The following BRAT1 variants were observed in gnomAD, a reference collection of about 807,000 sequenced individuals.
BRAT1 encodes the protein BRCA1 associated ATM activator 1, also known as integrator complex assembly factor BRAT1.
A neutral mutation model predicts 70.6 loss-of-function variants in BRAT1; 74 were observed. The observed-to-expected ratio is 1.05, with a 90% CI of 0.87 to 1.27. BRAT1 has a LOEUF of 1.27. Among genes scored for constraint, BRAT1 ranks in the 50% most tolerant of loss-of-function variants. The pLI is 0.00. For synonymous variants in BRAT1, 615 were observed against 517.1 expected (o/e 1.19, Z -2.57); for missense variants, 1,203 against 1,098.2 (o/e 1.10, Z -1.35).
intron 4 of BRAT1, 143 bp downstream of exon 4, chr7:2,544,766 G>A: frequency 7.6e-7 from 1 of 1,307,546 alleles, no homozygotes; most frequent in Non-Finnish European, 1.0e-6. Flanking sequence ...GAGAACACTG[G>A]ACAGCCGTAC....
rs755593134 is a variant in BRAT1, at chr7:2,541,843, G to A, written c.1016-7C>T. 6 of 1,611,940 alleles carry A rather than the reference G, an allele frequency of 3.7e-6. No individual in the cohort carries two copies. Among genetic ancestry groups the A allele is most frequent in the Non-Finnish European group, 5.1e-6 (6 of 1,179,398 alleles). On this transcript the variant is annotated splice_region_variant and splice_polypyrimidine_tract_variant and intron_variant, in intron 7 of 13. Transcript: ENST00000340611. ...GCCGTCCCGTCCAGCAAGCCTGGGG[G>A]CCAAGCCAGGAAGAGCTCCCTTAGA...
In BRAT1 at chr7:2,543,511, C is replaced by T. The variant is rs372261688; in HGVS notation, c.803+79G>A. The T allele has an allele frequency of 2.8e-5, 42 of 1,487,462 alleles. No homozygotes were observed. In the East Asian group the frequency reaches 9.4e-4, roughly 33 times the overall value. 92.1% of individuals were successfully genotyped at this position (1,487,462 alleles called of 1,614,324 possible). A position where few individuals can be genotyped will look rare whatever the true frequency, so the allele number is the denominator to read the frequency against. On this transcript the variant is annotated intron_variant, in intron 5 of 13. Transcript: ENST00000340611. The surrounding 1 kb of genome is among the most constrained non-coding windows in gnomAD (Gnocchi z 5.5). ...CATGTCCTCAGAGAGTCTCCGGCTG[C>T]CAGTGGGACATCCCTGGGCGTTATC...
intron 2 of BRAT1, among the ~76,000 whole-genome samples, chr7:2,553,893 C>G (rs986462201): frequency 5.3e-5 from 8 of 151,742 alleles, no homozygotes; most frequent in Non-Finnish European, 1.2e-4. Context: ...GCAATCCGCT[C>G]GCCTCAGCCT....
intron 2 of BRAT1, among the ~76,000 whole-genome samples, chr7:2,550,305 A>G (rs1779905798): frequency 6.6e-6 from 1 of 151,840 alleles, no homozygotes; most frequent in African/African-American, 2.4e-5. Context: ...CGTCACTACA[A>G]AAAATACAAA....
At chr7:2,542,022 T>C in intron 7 of BRAT1, 98 bp downstream of exon 7, 1 of 1,271,284 alleles carries the variant, frequency 7.9e-7, no homozygotes, top group Non-Finnish European at 1.1e-6. Flanking sequence ...GTGATTAAAG[T>C]GGGGCGGGGG....
chr7:2,552,091 TATATATATATATATA>T (rs1468523304), intron 2 of BRAT1, among the ~76,000 whole-genome samples: 51 of 17,630 alleles, frequency 2.9e-3, no homozygotes, highest in South Asian at 6.5e-3. Context: ...AATATATATA[TATATATATATATATA>T]TTTTTTTTTT....
chr7:2,545,908 C>T (rs1358107824), intron 3 of BRAT1, among the ~76,000 whole-genome samples: 1 of 152,192 alleles, frequency 6.6e-6, no homozygotes, highest in Non-Finnish European at 1.5e-5. Context: ...GGGTGGGCTG[C>T]TAGGGAGCCT....
Position 2,554,291 on chromosome 7 carries a change from C to T in BRAT1, c.127+14G>A, listed in dbSNP as rs2128415625. 2 of 1,612,566 alleles carry T rather than the reference C, an allele frequency of 1.2e-6. No individual in the cohort carries two copies. Among genetic ancestry groups the T allele is most frequent in the African/African-American group, 1.3e-5 (1 of 75,028 alleles). ...TCTCTGGATAGGCAGTAAACAGCAG[C>T]ACCACCTCCTTACCTCCTTCAGTGA... On this transcript the variant is annotated intron_variant, in intron 2 of 13. Transcript: ENST00000340611.
At chr7:2,540,045 G>C (rs1015266624) in intron 10 of BRAT1, 157 bp from the exon 11 acceptor site, 1 of 580,588 alleles carries the variant, frequency 1.7e-6, no homozygotes, top group East Asian at 3.1e-5. Context: ...TTCTTTTTTA[G>C]AGACAGGGTC....
chr7:2,551,174 G>T (rs761609646), intron 2 of BRAT1, among the ~76,000 whole-genome samples: 1 of 151,508 alleles, frequency 6.6e-6, no homozygotes, highest in Non-Finnish European at 1.5e-5. Flanking sequence ...CCAGGAGGCG[G>T]AGGTTGCAGT....
At chr7:2,548,582 C>A (rs1284879729) in intron 2 of BRAT1, among the ~76,000 whole-genome samples, 2 of 151,948 alleles carry the variant, frequency 1.3e-5, no homozygotes, top group African/African-American at 4.8e-5. Flanking sequence ...GGGAGGATTG[C>A]TTGAGCCCAG....
chr7:2,538,508 G>T lies in BRAT1; in HGVS notation c.2027C>A (p.Ala676Asp). The change falls in exon 14 of 14, where the codon GCC becomes GAC. Residue 676 changes from alanine (A) to aspartate (D), a missense_variant. By Grantham distance (126) the Ala-to-Asp change is moderately radical (BLOSUM62 -2). Coordinates refer to ENST00000340611, the MANE Select transcript of BRAT1 (RefSeq NM_152743.4). Reference protein sequence around the residue: ...LGPPRTHCPYAVALPEVAPAQ... With the variant: ...LGPPRTHCPYDVALPEVAPAQ... ...TGGGGCCACCTCGGGTAGGGCCACG[G>T]CATAGGGGCAGTGGGTACGCGGCGG... 4 of 1,610,342 alleles carry T rather than the reference G, an allele frequency of 2.5e-6. No individual in the cohort carries two copies. The highest frequency in any genetic ancestry group is 2.2e-5 in the South Asian group (2 of 91,070).
chr7:2,542,416 C>T (rs1234045561), intron 6 of BRAT1: 7 of 599,336 alleles, frequency 1.2e-5, no homozygotes, highest in African/African-American at 1.1e-4. Context: ...GGGCCTGACA[C>T]TCCTGATGTC....
Position 2,539,652 on chromosome 7 carries a change from G to C in BRAT1, c.1499-10C>G. On this transcript the variant is annotated splice_polypyrimidine_tract_variant and intron_variant, in intron 11 of 13. Coordinates refer to ENST00000340611, the MANE Select transcript of BRAT1 (RefSeq NM_152743.4). ...AGCACAGGGAACAGCTCTAGGGTGG[G>C]AAGGGACAGGTCAGGGTGACCTTGG... 18 of 1,584,666 alleles carry C rather than the reference G, an allele frequency of 1.1e-5. No homozygotes were observed. Among genetic ancestry groups the C allele is most frequent in the Non-Finnish European group, 1.5e-5 (18 of 1,164,382 alleles).
Position 2,541,025 on chromosome 7 carries a change from A to T in BRAT1, c.1349T>A (p.Leu450His). Residue 450 changes from leucine (L) to histidine (H), a missense_variant, in exon 10 of 14, where the codon CTT (leucine) becomes CAT (histidine). Physicochemically the swap from Leu to His is moderately conservative, Grantham distance 99. Transcript: ENST00000340611. ...CTCGAGGCACTCCAGGAGGACAGCA[A>T]GCGCCTGCGTCACCAGCTCCTGGGG... ...TGPQELVTQA[L>H]AVLLECLESP... The T allele has an allele frequency of 6.4e-7, 1 of 1,570,584 alleles. No individual in the cohort carries two copies.
intron 2 of BRAT1, among the ~76,000 whole-genome samples, chr7:2,552,106 A>ATATATATATATATATT: frequency 1.9e-3 from 27 of 14,210 alleles, no homozygotes; most frequent in South Asian, 3.4e-3. Context: ...ATATATATAT[A>ATATATATATATATATT]TTTTTTTTTT....
At position 2,541,851 on chromosome 7, in the gene BRAT1, A is replaced by G. The variant is rs766980233; in HGVS notation, c.1016-15T>C. ...GTCCAGCAAGCCTGGGGGCCAAGCCAGGAAGAGCTCCCTTAGAGAGCACTT... is the reference window on the plus strand; with the variant it reads ...GTCCAGCAAGCCTGGGGGCCAAGCCGGGAAGAGCTCCCTTAGAGAGCACTT... On this transcript the variant is annotated splice_polypyrimidine_tract_variant and intron_variant, in intron 7 of 13. Coordinates refer to ENST00000340611, the MANE Select transcript of BRAT1 (RefSeq NM_152743.4). 6.2e-7 allele frequency: 1 copy of G among 1,611,634 alleles called. No homozygotes were observed. Among genetic ancestry groups the G allele is most frequent in the Non-Finnish European group, 8.5e-7 (1 of 1,179,122 alleles).
chr7:2,541,981 G>GT (rs2128393042), intron 7 of BRAT1, 139 bp downstream of exon 7: 1 of 1,199,576 alleles, frequency 8.3e-7, no homozygotes, highest in Non-Finnish European at 1.2e-6. Context: ...CATGTCCCCG[G>GT]TCCCCTTTGC....
chr7:2,543,275 C>A lies in BRAT1; in HGVS notation c.852G>T (p.Ala284=), dbSNP rs767671540. ...SSDGSLWETV[A]RALSCLGPTH... is the part of the protein sequence containing the mutation. ...TGGGACCCAGGCAGCTCAGAGCCCG[C>A]GCCACTGTCTCCCACAGGCTGCCGT... Residue 284 remains alanine (A), a synonymous_variant, in exon 6 of 14, where the codon GCG becomes GCT. Coordinates refer to ENST00000340611, the MANE Select transcript of BRAT1 (RefSeq NM_152743.4). The surrounding 1 kb of genome is among the most constrained non-coding windows in gnomAD (Gnocchi z 5.5). The A allele has an allele frequency of 1.9e-6, 3 of 1,611,120 alleles. No homozygotes were observed. In the African/African-American group the frequency reaches 4.0e-5, roughly 22 times the overall value.
Sources: gnomAD v4.1 joint callset for allele counts (sites outside exome capture counted in the v4.1 genomes callset) on GRCh38, gnomAD v4.1.1 for gene constraint, Gnocchi (gnomAD v3.1) non-coding constraint, MANE v1.5 for transcripts, NCBI Gene and HGNC (gene_info 2026-07-23, HGNC 2026-07-21) for gene names.